Variants in KAZN observed in about 807,000 individuals in gnomAD.
The protein encoded by KAZN is kazrin, periplakin interacting protein, also known as kazrin.
In KAZN, 40 loss-of-function variants were observed where a neutral mutation model predicts 87.4. The ratio of observed to expected loss-of-function variants is 0.46; its 90% confidence interval spans 0.36 to 0.60. The LOEUF is 0.60. Ranked by LOEUF, KAZN falls within the 20% of genes least tolerant of loss-of-function variation. The pLI is 0.00. For missense variants in KAZN, 898 were observed against 1,073.9 expected (o/e 0.84, Z 2.29); for synonymous variants, 466 against 458.3 (o/e 1.02, Z -0.22).
chr1:14,252,496 G>A (rs1650134880), intron 2 of KAZN, among the ~76,000 whole-genome samples: 1 of 152,078 alleles, frequency 6.6e-6, no homozygotes, highest in Non-Finnish European at 1.5e-5. Flanking sequence ...TCCTACCCCA[G>A]GACCTTTCCT....
chr1:14,276,142 C>A (rs1470748200), intron 2 of KAZN, among the ~76,000 whole-genome samples: 1 of 149,172 alleles, frequency 6.7e-6, no homozygotes, highest in Non-Finnish European at 1.5e-5. Context: ...ATTCATGGAG[C>A]ATAGTGTTCG....
In KAZN at chr1:14,841,347, A is replaced by G. The variant is rs139428401; in HGVS notation, c.227-119337A>G. Among the ~76,000 whole-genome samples the G allele has an allele frequency of 6.0e-3, 852 of 140,908 alleles. 7 individuals are homozygous for G. Among genetic ancestry groups the G allele is most frequent in the African/African-American group, 0.021 (790 of 37,772 alleles). The allele number at this position is 140,908 out of a possible 152,430, so 92.4% of individuals were successfully genotyped here. ...TGTGAACCCGGGAGGCGGAGCTTGCAGTGAGCCGAGATCGCCCCACTGCAC... is the reference window on the plus strand; with the variant it reads ...TGTGAACCCGGGAGGCGGAGCTTGCGGTGAGCCGAGATCGCCCCACTGCAC... On this transcript the variant is annotated intron_variant, in intron 1 of 14. Coordinates refer to ENST00000376030, the MANE Select transcript of KAZN (RefSeq NM_201628.3).
chr1:15,103,289 C>A, intron 11 of KAZN, 70 bp from the exon 12 acceptor site: 4 of 1,122,484 alleles, frequency 3.6e-6, no homozygotes, highest in Non-Finnish European at 3.9e-6. Flanking sequence ...AGATGCGGGG[C>A]ACCCCCACTC....
chr1:14,117,383 C>T (rs1644647808), intron 1 of KAZN, among the ~76,000 whole-genome samples: 1 of 152,166 alleles, frequency 6.6e-6, no homozygotes, highest in Non-Finnish European at 1.5e-5. Flanking sequence ...TTTCCCTGCG[C>T]AAGCTTCTTC....
In KAZN at chr1:15,114,708, G is replaced by A. The variant is rs1442075190; in HGVS notation, c.*73G>A. 27 of 1,451,260 alleles carry A rather than the reference G, an allele frequency of 1.9e-5. No homozygotes were observed. Among genetic ancestry groups the A allele is most frequent in the South Asian group, 6.4e-5 (5 of 77,592 alleles). The allele number at this position is 1,451,260 out of a possible 1,614,324, so 89.9% of individuals were successfully genotyped here. The stretch of plus-strand genomic sequence containing the variant: ...GAGAAGCCAGATGGCCCCAGGTGTC[G>A]TTCTCACTGTACATAGCGGCCGCAG... On this transcript the variant is annotated 3_prime_UTR_variant, in exon 15 of 15. Transcript: ENST00000376030.
At chr1:14,525,679 A>C (rs1326499328) in intron 2 of KAZN, among the ~76,000 whole-genome samples, 1 of 146,526 alleles carries the variant, frequency 6.8e-6, no homozygotes, top group Non-Finnish European at 1.5e-5. Flanking sequence ...CATTTCCCAT[A>C]GGAAAAAAAA....
intron 2 of KAZN, among the ~76,000 whole-genome samples, chr1:14,477,751 G>C (rs544969661): frequency 3.3e-5 from 5 of 152,240 alleles, no homozygotes; most frequent in Middle Eastern, 3.4e-3. Context: ...CTGGCTTCCT[G>C]AGCAAACCCC....
intron 1 of KAZN, among the ~76,000 whole-genome samples, chr1:14,942,804 G>A (rs1661247228): frequency 6.6e-6 from 1 of 152,120 alleles, no homozygotes; most frequent in South Asian, 2.1e-4. Context: ...TGGCCAGAAG[G>A]GTGTCTAGGA....
rs1368423633 is a variant in KAZN, at chr1:14,943,020, G to T, written c.227-17664G>T. Among the ~76,000 whole-genome samples, 22 of 113,072 alleles carry T rather than the reference G, an allele frequency of 1.9e-4. 2 individuals are homozygous for T. The highest frequency in any genetic ancestry group is 6.3e-4 in the African/African-American group (19 of 29,996). 74.2% of individuals were successfully genotyped at this position (113,072 alleles called of 152,430 possible). A position where few individuals can be genotyped will look rare whatever the true frequency, so the allele number is the denominator to read the frequency against. ...GTGTGTGTGTGTGGTGTGTGTGTGT[G>T]TGTGTGTGTGTGTGTGTGTGTGTGT... On this transcript the variant is annotated intron_variant, in intron 1 of 14. Transcript: ENST00000376030.
chr1:14,268,309 G>A (rs992386576), intron 2 of KAZN, among the ~76,000 whole-genome samples: 1 of 152,196 alleles, frequency 6.6e-6, no homozygotes, highest in Admixed American at 6.5e-5. Flanking sequence ...AAGGCCCGTT[G>A]CAGTGCCTAG....
At chr1:14,102,892 A>G (rs1570743154) in intron 1 of KAZN, among the ~76,000 whole-genome samples, 1 of 148,416 alleles carries the variant, frequency 6.7e-6, no homozygotes, top group African/African-American at 2.5e-5. Flanking sequence ...CCCTCTGTAC[A>G]CATTTGAATA....
rs200734965 is a variant in KAZN, at chr1:14,386,792, T to G, written c.249+206200T>G. 1.4e-3 allele frequency among the ~76,000 whole-genome samples: 206 copies of G among 152,130 alleles called. 6 individuals carry two copies. In the East Asian group the frequency reaches 0.033, roughly 24 times the overall value. ...TCGGTGAATCTGACAATTATGTGTC[T>G]TGGAGTTGCTCTTCTCAAGGAGTAT... On this transcript the variant is annotated intron_variant, in intron 2 of 16. Transcript: ENST00000636203.
At chr1:14,330,666 T>C (rs1656787676) in intron 2 of KAZN, among the ~76,000 whole-genome samples, 1 of 152,172 alleles carries the variant, frequency 6.6e-6, no homozygotes, top group South Asian at 2.1e-4. Context: ...GTCTCTCTGC[T>C]TTGCAACAAC....
At chr1:14,304,249 T>C (rs1420721275) in intron 2 of KAZN, among the ~76,000 whole-genome samples, 1 of 152,228 alleles carries the variant, frequency 6.6e-6, no homozygotes, top group African/African-American at 2.4e-5. Context: ...CTCAAAGAGT[T>C]TCACCTACCG....
At chr1:14,883,355 A>AAAGAAAAGAAAG (rs1449958306) in intron 1 of KAZN, among the ~76,000 whole-genome samples, 21 of 20,616 alleles carry the variant, frequency 1.0e-3, no homozygotes, top group Non-Finnish European at 1.5e-3. Context: ...AGAAAGAAAG[A>AAAGAAAAGAAAG]AAAGAAAGAA....
At chr1:14,446,783 G>T (rs1012847138) in intron 2 of KAZN, among the ~76,000 whole-genome samples, 2 of 152,178 alleles carry the variant, frequency 1.3e-5, no homozygotes, top group Non-Finnish European at 2.9e-5. Flanking sequence ...TGGTGCAGCA[G>T]CCTGTCCTGT....
At position 14,769,512 on chromosome 1, in the gene KAZN, G is replaced by A. The variant is rs918378903; in HGVS notation, c.226+170289G>A. On this transcript the variant is annotated intron_variant, in intron 1 of 14. Coordinates refer to ENST00000376030, the MANE Select transcript of KAZN (RefSeq NM_201628.3). The surrounding 1 kb of genome is among the most constrained non-coding windows in gnomAD (Gnocchi z 4.1). Reference sequence around the variant, plus strand: ...TGGGATTACAGGCGCCCACCACCACGCCCGGCTAATTTTGTATTTTTAGTA... The same window carrying A: ...TGGGATTACAGGCGCCCACCACCACACCCGGCTAATTTTGTATTTTTAGTA... Among the ~76,000 whole-genome samples, 10 of 152,108 alleles carry A rather than the reference G, an allele frequency of 6.6e-5. No individual in the cohort carries two copies. Among genetic ancestry groups the A allele is most frequent in the Admixed American group, 1.3e-4 (2 of 15,268 alleles).
At chr1:14,373,976 A>G (rs530623580) in intron 2 of KAZN, among the ~76,000 whole-genome samples, 33 of 152,286 alleles carry the variant, frequency 2.2e-4, no homozygotes, top group African/African-American at 7.9e-4. Flanking sequence ...GGGAGTGTAA[A>G]CTAACATAAG....
At chr1:14,852,258 G>A (rs1649540629) in intron 1 of KAZN, among the ~76,000 whole-genome samples, 1 of 152,204 alleles carries the variant, frequency 6.6e-6, no homozygotes, top group South Asian at 2.1e-4. Flanking sequence ...CTTTCCTGGG[G>A]CCTCAGAGTA....
Sources: gnomAD v4.1 joint callset for allele counts (sites outside exome capture counted in the v4.1 genomes callset) on GRCh38, gnomAD v4.1.1 for gene constraint, Gnocchi (gnomAD v3.1) non-coding constraint, MANE v1.5 for transcripts, NCBI Gene and HGNC (gene_info 2026-07-23, HGNC 2026-07-21) for gene names.